Variants in NRXN3 observed in about 807,000 individuals in gnomAD.
NRXN3 encodes neurexin III.
In NRXN3, 32 loss-of-function variants were observed where a neutral mutation model predicts 137.6. The ratio of observed to expected loss-of-function variants is 0.23; its 90% CI spans 0.18 to 0.31. The LOEUF is 0.31. Ranked by LOEUF, NRXN3 falls within the 10% of genes least tolerant of loss-of-function variation. NRXN3 has a pLI of 1.00. For synonymous variants in NRXN3, 798 were observed against 784.5 expected (o/e 1.02, Z -0.29); for missense variants, 1,574 against 2,062.5 (o/e 0.76, Z 4.59).
chr14:78,208,478 A>T (rs1299119262), intron 1 of NRXN3, among the ~76,000 whole-genome samples: 1 of 152,054 alleles, frequency 6.6e-6, no homozygotes, highest in Non-Finnish European at 1.5e-5. Context: ...TAATCCTTCA[A>T]ATCAGTTATT....
chr14:79,266,782 A>G (rs1012555705), intron 15 of NRXN3, among the ~76,000 whole-genome samples: 7 of 152,214 alleles, frequency 4.6e-5, no homozygotes, highest in Non-Finnish European at 1.0e-4. Context: ...CTATTTGTCC[A>G]TATCTCCTAA....
intron 15 of NRXN3, among the ~76,000 whole-genome samples, chr14:79,154,169 C>A (rs1186556948): frequency 6.6e-6 from 1 of 151,974 alleles, no homozygotes; most frequent in Admixed American, 6.6e-5. Context: ...CACTGCCCAA[C>A]TCAATTCACT....
intron 4 of NRXN3, among the ~76,000 whole-genome samples, chr14:78,350,098 G>A (rs1434231605): frequency 6.6e-6 from 1 of 152,110 alleles, no homozygotes; most frequent in Non-Finnish European, 1.5e-5. Flanking sequence ...GACCAGCTTG[G>A]CCAACATGGT....
chr14:79,516,789 T>C (rs1414401621), intron 16 of NRXN3, among the ~76,000 whole-genome samples: 2 of 152,186 alleles, frequency 1.3e-5, no homozygotes, highest in African/African-American at 4.8e-5. Context: ...TCGCTTTTCT[T>C]CTCTTTTAAT....
intron 15 of NRXN3, among the ~76,000 whole-genome samples, chr14:79,253,059 C>T (rs970795102): frequency 6.6e-6 from 1 of 152,110 alleles, no homozygotes; most frequent in Non-Finnish European, 1.5e-5. Flanking sequence ...ATTGACTAGA[C>T]CAAGTAGCGT....
chr14:79,020,414 T>C (rs1016821364), intron 15 of NRXN3, among the ~76,000 whole-genome samples: 12 of 147,494 alleles, frequency 8.1e-5, no homozygotes, highest in African/African-American at 3.0e-4. Flanking sequence ...TACAGGCATG[T>C]GCCACCACGC....
At chr14:79,733,690 T>A (rs1603452037) in intron 19 of NRXN3, among the ~76,000 whole-genome samples, 1 of 149,926 alleles carries the variant, frequency 6.7e-6, no homozygotes, top group Non-Finnish European at 1.5e-5. Context: ...TTTTTTTTTA[T>A]AACTGTGATT....
chr14:79,188,960 C>A (rs926334502), intron 15 of NRXN3, among the ~76,000 whole-genome samples: 7 of 152,058 alleles, frequency 4.6e-5, no homozygotes, highest in Admixed American at 1.3e-4. Flanking sequence ...TAGTTCAACC[C>A]TTGTGGAAGT....
intron 10 of NRXN3, among the ~76,000 whole-genome samples, chr14:78,827,153 G>A (rs1328506801): frequency 6.6e-6 from 1 of 151,772 alleles, no homozygotes; most frequent in Non-Finnish European, 1.5e-5. Flanking sequence ...AGCCTTCAAA[G>A]GCCTAAATTA....
At chr14:78,789,319 C>A (rs552530686) in intron 8 of NRXN3, among the ~76,000 whole-genome samples, 1 of 152,128 alleles carries the variant, frequency 6.6e-6, no homozygotes, top group Non-Finnish European at 1.5e-5. Context: ...TCCATATGCT[C>A]TAGTTAAGGG....
At chr14:79,381,175 G>A (rs568708875) in intron 15 of NRXN3, among the ~76,000 whole-genome samples, 77 of 150,488 alleles carry the variant, frequency 5.1e-4, no homozygotes, top group African/African-American at 1.7e-3. Flanking sequence ...GGGTGAACAC[G>A]TTAATTAGTT....
At chr14:79,725,655 A>T (rs2098881809) in intron 19 of NRXN3, among the ~76,000 whole-genome samples, 1 of 152,188 alleles carries the variant, frequency 6.6e-6, no homozygotes, top group South Asian at 2.1e-4. Context: ...AAAAAGTGGT[A>T]TATCCCAGGC....
chr14:79,087,800 A>G (rs1376232072), intron 15 of NRXN3, among the ~76,000 whole-genome samples: 1 of 152,174 alleles, frequency 6.6e-6, no homozygotes, highest in Non-Finnish European at 1.5e-5. Context: ...ATATCAGGCA[A>G]CCGCTGCCAT....
At chr14:78,552,092 T>C (rs1368463877) in intron 4 of NRXN3, among the ~76,000 whole-genome samples, 1 of 152,118 alleles carries the variant, frequency 6.6e-6, no homozygotes, top group African/African-American at 2.4e-5. Flanking sequence ...CCAGAATATA[T>C]TTATTTTAAT....
intron 4 of NRXN3, among the ~76,000 whole-genome samples, chr14:78,516,941 A>T (rs2096217251): frequency 6.6e-6 from 1 of 152,162 alleles, no homozygotes; most frequent in Admixed American, 6.6e-5. Flanking sequence ...TGAATTATCT[A>T]GGTCTCAGTT....
intron 19 of NRXN3, chr14:79,760,777 T>C (rs2099035777): frequency 6.6e-6 from 1 of 151,490 alleles, no homozygotes; most frequent in South Asian, 2.1e-4. Context: ...TTCTGGGTTA[T>C]CGCGATGCTG....
At chr14:79,334,174 G>A (rs1598834597) in intron 15 of NRXN3, among the ~76,000 whole-genome samples, 1 of 152,170 alleles carries the variant, frequency 6.6e-6, no homozygotes, top group East Asian at 1.9e-4. Context: ...TGGCATTCTA[G>A]TCAGGTATAC....
intron 15 of NRXN3, among the ~76,000 whole-genome samples, chr14:79,323,675 T>G (rs553237966): frequency 1.6e-4 from 24 of 152,126 alleles, no homozygotes; most frequent in African/African-American, 5.3e-4. Flanking sequence ...CTGGCCAATG[T>G]GGTGAAACCC....
intron 17 of NRXN3, among the ~76,000 whole-genome samples, chr14:79,676,927 A>T (rs1399051289): frequency 6.6e-6 from 1 of 152,068 alleles, no homozygotes; most frequent in East Asian, 1.9e-4. Flanking sequence ...ATCCTCTTTT[A>T]AAAAGGAAAG....
Sources: gnomAD v4.1 joint callset for allele counts (sites outside exome capture counted in the v4.1 genomes callset) on GRCh38, gnomAD v4.1.1 for gene constraint, MANE v1.5 for transcripts, NCBI Gene and HGNC (gene_info 2026-07-23, HGNC 2026-07-21) for gene names.